PI4KA: variants seen among roughly 807,000 people sequenced by gnomAD.
The protein encoded by PI4KA is PI4-kinase alpha.
In PI4KA, 122 loss-of-function variants were observed where a neutral mutation model predicts 271.4. The observed-to-expected ratio is 0.45, with a 90% CI of 0.39 to 0.52. The LOEUF (loss-of-function observed/expected upper bound fraction) is 0.52. Ranked by LOEUF, PI4KA falls within the 20% of genes least tolerant of loss-of-function variation. PI4KA has a pLI of 0.00. For synonymous variants in PI4KA, 1,041 were observed against 1,078.8 expected, an observed-to-expected ratio of 0.96 and a Z score of 0.69; for missense variants, 1,969 against 2,769.1, an observed-to-expected ratio of 0.71 and a Z score of 6.48.
chr22:20,742,695 C>A lies in PI4KA; in HGVS notation c.3526G>T (p.Asp1176Tyr). The A allele has an allele frequency of 6.2e-7, 1 of 1,614,120 alleles. No homozygotes were observed. Among genetic ancestry groups the A allele is most frequent in the Non-Finnish European group, 8.5e-7 (1 of 1,179,984 alleles). The change falls in exon 31 of 55, where the codon GAT becomes TAT. Residue 1176 changes from aspartate (D) to tyrosine (Y), a missense_variant. By Grantham distance (160) the Asp-to-Tyr change is radical. Transcript: ENST00000255882. The stretch of plus-strand genomic sequence containing the variant: ...CTGCGGTCTAAAGCTGAATGTAGAT[C>A]CTGGACCATCATTTTGTTCAGGTCA... The part of the protein sequence containing the change: ...MSDLNKMMVQ[D>Y]LHSALDRSHP...
intron 19 of PI4KA, among the ~76,000 whole-genome samples, chr22:20,783,158 T>C (rs1216774653): frequency 6.6e-6 from 1 of 152,204 alleles, no homozygotes; most frequent in African/African-American, 2.4e-5. Context: ...GTTACTCACA[T>C]CTTAGAGCTA....
chr22:20,756,839 A>G (rs2147353491), intron 23 of PI4KA, among the ~76,000 whole-genome samples: 1 of 152,266 alleles, frequency 6.6e-6, no homozygotes, highest in East Asian at 1.9e-4. Context: ...CATGTTGGCC[A>G]GGCTGGTCTC....
At chr22:20,794,699 C>G (rs980314213) in intron 18 of PI4KA, among the ~76,000 whole-genome samples, 1 of 152,176 alleles carries the variant, frequency 6.6e-6, no homozygotes, top group Non-Finnish European at 1.5e-5. Context: ...CACCACCCTG[C>G]CCTGTTTCAC....
intron 23 of PI4KA, among the ~76,000 whole-genome samples, chr22:20,755,721 G>C (rs1931214331): frequency 6.6e-6 from 1 of 151,818 alleles, no homozygotes; most frequent in Admixed American, 6.6e-5. Flanking sequence ...AGAATCACTT[G>C]AGCCTGGGAG....
rs1338175117 is a variant in PI4KA at position 20,753,006 on chromosome 22, C to T, written c.2884G>A (p.Glu962Lys). ...AACTGAGCGTGCCGCTCCAGCTCCT[C>T]CTCGTTCTCCTTGGTCTTGGCCTAG... ...ADKAKTKENE[E>K]ELERHAQFLL... The change falls in exon 25 of 55, where the codon GAG becomes AAG. Residue 962 changes from glutamate to lysine, a missense_variant. This residue lies in a region of PI4KA where 368 missense variants were observed against 544.3 expected (regional missense o/e 0.68). Transcript: ENST00000255882. 4 of 1,614,142 alleles carry T rather than the reference C, an allele frequency of 2.5e-6. No individual in the cohort carries two copies. In the East Asian group the frequency reaches 6.7e-5, roughly 27 times the overall value.
chr22:20,711,754 G>GC (rs1555877296), intron 50 of PI4KA, among the ~76,000 whole-genome samples: 95 of 150,266 alleles, frequency 6.3e-4, no homozygotes, highest in African/African-American at 2.2e-3. Flanking sequence ...ATGCCCTGGT[G>GC]TTTTTTTTTT....
chr22:20,747,713 A>C lies in PI4KA; in HGVS notation c.3244-11T>G, dbSNP rs1930265433. On this transcript the variant is annotated splice_polypyrimidine_tract_variant and intron_variant, in intron 28 of 54. Transcript: ENST00000255882. ...TTTGTTCAGATATTCCTGAAATAGGAAAAACACATGGGGTTTCAGTTATTT... is the reference window on the plus strand; with the variant it reads ...TTTGTTCAGATATTCCTGAAATAGGCAAAACACATGGGGTTTCAGTTATTT... 1 of 1,611,774 alleles carries C rather than the reference A, an allele frequency of 6.2e-7. No homozygotes were observed. The highest frequency in any genetic ancestry group is 1.7e-5 in the Admixed American group (1 of 59,940).
intron 1 of PI4KA, 144 bp from the exon 2 acceptor site, chr22:20,838,875 G>T (rs934716694): frequency 8.3e-6 from 5 of 599,648 alleles, no homozygotes; most frequent in Admixed American, 6.1e-5. Flanking sequence ...TTGGGAGTTT[G>T]AGACTAGCCT....
intron 9 of PI4KA, among the ~76,000 whole-genome samples, chr22:20,810,649 A>C (rs1229209992): frequency 6.6e-6 from 1 of 152,128 alleles, no homozygotes; most frequent in Admixed American, 6.6e-5. Flanking sequence ...AAAGAGTAGG[A>C]GAGACCCAGG....
intron 30 of PI4KA, among the ~76,000 whole-genome samples, chr22:20,743,464 T>A (rs1929698844): frequency 1.3e-5 from 2 of 151,298 alleles, no homozygotes; most frequent in South Asian, 4.2e-4. Flanking sequence ...TTATTAATAA[T>A]TTTTTCTTTG....
intron 12 of PI4KA, 134 bp downstream of exon 12, chr22:20,804,166 G>C (rs779823469): frequency 6.2e-5 from 41 of 661,892 alleles, no homozygotes; most frequent in Non-Finnish European, 1.0e-4. Flanking sequence ...GCACGCACTG[G>C]TTAAAGCTCC....
At chr22:20,793,122 C>T (rs1038506964) in intron 19 of PI4KA, 71 bp downstream of exon 19, 5 of 915,182 alleles carry the variant, frequency 5.5e-6, no homozygotes, top group East Asian at 2.4e-5. Flanking sequence ...ATTTACTGTG[C>T]GTCACCAGGC....
chr22:20,823,376 A>C (rs576512286), intron 4 of PI4KA, among the ~76,000 whole-genome samples: 1 of 152,338 alleles, frequency 6.6e-6, no homozygotes, highest in East Asian at 1.9e-4. Flanking sequence ...CCTACAAATA[A>C]ATGAAGAATC....
rs540303088 is a variant in PI4KA, at chr22:20,793,584, A to C, written c.2278-341T>G. 2.0e-5 allele frequency among the ~76,000 whole-genome samples: 3 copies of C among 152,342 alleles called. No individual in the cohort carries two copies. In the East Asian group the frequency reaches 5.8e-4, roughly 29 times the overall value. On this transcript the variant is annotated intron_variant, in intron 18 of 54. Coordinates refer to ENST00000255882, the MANE Select transcript of PI4KA (RefSeq NM_058004.4). The stretch of plus-strand genomic sequence containing the variant: ...CACAGCACATGTCAAATGAAAAAAA[A>C]ATCAAGATTTAAGACTATGCTATGA...
chr22:20,716,628 G>A (rs1926031320), intron 45 of PI4KA, among the ~76,000 whole-genome samples: 1 of 152,136 alleles, frequency 6.6e-6, no homozygotes, highest in African/African-American at 2.4e-5. Context: ...AGCCCTGCTG[G>A]CTTCCCTGAC....
chr22:20,805,498 A>G (rs1935597167), intron 10 of PI4KA, among the ~76,000 whole-genome samples: 1 of 152,196 alleles, frequency 6.6e-6, no homozygotes, highest in South Asian at 2.1e-4. Flanking sequence ...ACTTCCACTG[A>G]CAATATGAGA....
At chr22:20,711,613 G>A (rs528480834) in intron 50 of PI4KA, 152 bp from the exon 51 acceptor site, 22 of 793,604 alleles carry the variant, frequency 2.8e-5, no homozygotes, top group African/African-American at 3.5e-5. Flanking sequence ...GCCAGTCTTC[G>A]GTAGCAGGAG....
intron 27 of PI4KA, 141 bp from the exon 28 acceptor site, chr22:20,750,135 A>G: frequency 1.6e-6 from 1 of 632,504 alleles, no homozygotes; most frequent in South Asian, 1.8e-5. Flanking sequence ...AGTGGAACTC[A>G]TTTGGAGATA....
At chr22:20,709,478 G>C in intron 53 of PI4KA, 99 bp from the exon 54 acceptor site, 4 of 773,850 alleles carry the variant, frequency 5.2e-6, no homozygotes, top group Non-Finnish European at 9.1e-6. Context: ...CTTCAGCTGA[G>C]AGCCACGCCC....
Sources: allele counts gnomAD v4.1 joint callset (sites outside exome capture counted in the v4.1 genomes callset), GRCh38; gene constraint gnomAD v4.1.1; regional missense constraint gnomAD v4.1.1; transcripts MANE v1.5; gene names NCBI Gene and HGNC (gene_info 2026-07-23, HGNC 2026-07-21).